IL6ST: variants seen among roughly 807,000 people sequenced by gnomAD.
IL6ST encodes the protein interleukin 6 cytokine family signal transducer, also known as interleukin-6 receptor subunit beta.
In IL6ST, 24 loss-of-function variants were observed where a neutral mutation model predicts 91.3. That is an observed-to-expected ratio of 0.26 (90% confidence interval 0.19 to 0.37). The LOEUF (loss-of-function observed/expected upper bound fraction) is 0.37, where lower values mean the gene tolerates loss of function less well. IL6ST is among the 10% of genes least tolerant of loss of function. The probability of loss-of-function intolerance (pLI) is 1.00; values close to 1 mark genes in which losing one functional copy is unlikely to be tolerated. For missense variants in IL6ST, 914 were observed against 1,078.5 expected, an observed-to-expected ratio of 0.85 and a Z score of 2.14; for synonymous variants, 351 against 373.6, an observed-to-expected ratio of 0.94 and a Z score of 0.70.
intron 5 of IL6ST, 64 bp from the exon 6 acceptor site, chr5:55,964,376 A>T: frequency 4.2e-6 from 5 of 1,194,804 alleles, no homozygotes; most frequent in South Asian, 2.7e-5. Flanking sequence ...GAGTGAAAAA[A>T]ATTACTTGCA....
intron 2 of IL6ST, among the ~76,000 whole-genome samples, 160 bp downstream of exon 2, chr5:55,982,564 A>ACACTAGGATAT (rs1401344518): frequency 6.6e-6 from 1 of 152,172 alleles, no homozygotes; most frequent in Non-Finnish European, 1.5e-5. Context: ...ATAACAATTA[A>ACACTAGGATAT]CACTAGGATA....
At chr5:55,958,672 C>T (rs1752125208) in intron 8 of IL6ST, among the ~76,000 whole-genome samples, 1 of 151,646 alleles carries the variant, frequency 6.6e-6, no homozygotes, top group South Asian at 2.1e-4. Flanking sequence ...ACCTTGTCTC[C>T]ACAAAAAAAT....
intron 10 of IL6ST, 102 bp downstream of exon 10, chr5:55,955,923 A>C (rs1751927653): frequency 6.0e-6 from 4 of 662,616 alleles, no homozygotes; most frequent in Non-Finnish European, 1.1e-5. Flanking sequence ...CCTGATACTG[A>C]GGAGACAGTC....
intron 15 of IL6ST, 39 bp downstream of exon 15, chr5:55,947,454 G>A: frequency 1.8e-6 from 2 of 1,085,436 alleles, no homozygotes; most frequent in Non-Finnish European, 1.4e-6. Flanking sequence ...GCTCAATAAA[G>A]CTGGGGGAAA....
chr5:55,975,965 T>C lies in IL6ST; in HGVS notation c.64+250A>G, dbSNP rs187620688. 2.7e-3 allele frequency among the ~76,000 whole-genome samples: 402 copies of C among 151,378 alleles called. 3 individuals are homozygous for C. The highest frequency in any genetic ancestry group is 2.3e-3 in the Non-Finnish European group (157 of 67,864). The stretch of plus-strand genomic sequence containing the variant: ...ATTTTAAAGTTATTGTTAGTATTGA[T>C]ATACAGCATTTAAGATTACTGACTT... On this transcript the variant is annotated intron_variant, in intron 3 of 16. Coordinates refer to ENST00000381298, the MANE Select transcript of IL6ST (RefSeq NM_002184.4).
intron 7 of IL6ST, among the ~76,000 whole-genome samples, chr5:55,962,660 T>C (rs1192776687): frequency 6.6e-6 from 1 of 152,202 alleles, no homozygotes; most frequent in Non-Finnish European, 1.5e-5. Context: ...TGTGGCTGTG[T>C]TCCAGTAAAA....
intron 1 of IL6ST, among the ~76,000 whole-genome samples, chr5:55,989,262 A>G (rs764159739): frequency 4.3e-4 from 66 of 152,204 alleles, no homozygotes; most frequent in Admixed American, 3.3e-4. Context: ...TCAAGTGTAT[A>G]TAAGAATTTA....
In IL6ST at chr5:55,983,336, C is replaced by T. The variant is rs544596012; in HGVS notation, c.-103-525G>A. Among the ~76,000 whole-genome samples the T allele has an allele frequency of 2.6e-5, 4 of 152,282 alleles. No individual in the cohort carries two copies. The South Asian group carries it at 8.3e-4, about 32-fold the overall frequency. On this transcript the variant is annotated intron_variant, in intron 1 of 16. Transcript: ENST00000381298. ...TGCAAACATTATTGGCTCACCCACA[C>T]CTAATGCAAACTTCCCTGACGTCTA...
chr5:55,959,358 T>C (rs945844688), intron 8 of IL6ST, among the ~76,000 whole-genome samples: 2 of 152,162 alleles, frequency 1.3e-5, no homozygotes, highest in African/African-American at 4.8e-5. Context: ...TCACATGACC[T>C]AAACCTCTAG....
chr5:55,985,464 T>A (rs1208421652), intron 1 of IL6ST, among the ~76,000 whole-genome samples: 1 of 150,460 alleles, frequency 6.6e-6, no homozygotes, highest in Non-Finnish European at 1.5e-5. Flanking sequence ...AGGCTGCAAG[T>A]GAGCAGAGAT....
chr5:55,987,208 G>C lies in IL6ST; in HGVS notation c.-103-4397C>G, dbSNP rs78676674. Among the ~76,000 whole-genome samples, 752 of 152,192 alleles carry C rather than the reference G, an allele frequency of 4.9e-3. 8 individuals are homozygous for C. The highest frequency in any genetic ancestry group is 0.017 in the African/African-American group (710 of 41,528). ...CATTTCTAGAGCTTTTAATTCCTTTGTATAGATCCGTATTTCCATCTGGTA... is the reference window on the plus strand; with the variant it reads ...CATTTCTAGAGCTTTTAATTCCTTTCTATAGATCCGTATTTCCATCTGGTA... On this transcript the variant is annotated intron_variant, in intron 1 of 16. Transcript: ENST00000381298.
intron 6 of IL6ST, 80 bp from the exon 7 acceptor site, chr5:55,963,586 C>T: frequency 2.0e-6 from 2 of 1,009,944 alleles, no homozygotes; most frequent in South Asian, 1.5e-5. Flanking sequence ...TTATATTGTC[C>T]TTCCTTTATT....
intron 1 of IL6ST, among the ~76,000 whole-genome samples, chr5:55,990,327 T>C (rs997429094): frequency 2.6e-5 from 4 of 152,152 alleles, no homozygotes; most frequent in Admixed American, 6.5e-5. Context: ...TGACTATATA[T>C]ATCACAAGTG....
At chr5:55,989,216 T>C (rs987847978) in intron 1 of IL6ST, among the ~76,000 whole-genome samples, 7 of 145,502 alleles carry the variant, frequency 4.8e-5, no homozygotes, top group Non-Finnish European at 9.0e-5. Context: ...GGCAAATGAA[T>C]AGACAACTAA....
At chr5:55,992,907 A>C (rs771122806) in intron 1 of IL6ST, among the ~76,000 whole-genome samples, 2 of 152,192 alleles carry the variant, frequency 1.3e-5, no homozygotes, top group Non-Finnish European at 2.9e-5. Flanking sequence ...AAGTTTGTCA[A>C]TCCAATTATT....
intron 5 of IL6ST, among the ~76,000 whole-genome samples, chr5:55,967,340 A>AAAAAG (rs1205085431): frequency 7.4e-6 from 1 of 135,096 alleles, no homozygotes; most frequent in East Asian, 2.0e-4. Context: ...AAAAAAAAAA[A>AAAAAG]AAAAGACAAG....
chr5:55,983,787 T>A (rs1044366748), intron 1 of IL6ST, among the ~76,000 whole-genome samples: 1 of 152,196 alleles, frequency 6.6e-6, no homozygotes, highest in Non-Finnish European at 1.5e-5. Flanking sequence ...TATACATGTA[T>A]TATATAACTT....
At position 55,941,809 on chromosome 5, in the gene IL6ST, T is replaced by G. The variant is rs1411044101; in HGVS notation, c.2030A>C (p.Asn677Thr). ...ATCTGAATACATTTGATCTTTTGAA[T>G]TAAAATTGTGCTAAGGAAGAGAAAA... ...SPHTPPRHNF[N>T]SKDQMYSDGN... The change falls in exon 17 of 17, where the codon AAT becomes ACT. Residue 677 changes from asparagine to threonine, a missense_variant. Transcript: ENST00000381298. 6.2e-7 allele frequency: 1 copy of G among 1,609,912 alleles called. No individual in the cohort carries two copies. Among genetic ancestry groups the G allele is most frequent in the African/African-American group, 1.3e-5 (1 of 74,662 alleles).
At chr5:55,960,602 T>G (rs1752252443) in intron 7 of IL6ST, 41 bp from the exon 8 acceptor site, 1 of 1,570,058 alleles carries the variant, frequency 6.4e-7, no homozygotes, top group African/African-American at 1.4e-5. Flanking sequence ...CCTCAATTAG[T>G]AAGGTCTTCT....
Sources: allele counts gnomAD v4.1 joint callset (sites outside exome capture counted in the v4.1 genomes callset), GRCh38; gene constraint gnomAD v4.1.1; transcripts MANE v1.5; gene names NCBI Gene and HGNC (gene_info 2026-07-23, HGNC 2026-07-21).